The following CFHR2 variants were observed in gnomAD, a reference collection of about 807,000 sequenced individuals.
The protein encoded by CFHR2 is complement factor H related 2.
A neutral mutation model predicts 21.7 loss-of-function variants in CFHR2; 22 were observed. That is an observed-to-expected ratio of 1.01 (90% CI 0.72 to 1.45). The LOEUF (loss-of-function observed/expected upper bound fraction) is 1.45, where lower values mean the gene tolerates loss of function less well. Among genes scored for constraint, CFHR2 ranks in the 40% most tolerant of loss-of-function variants. The pLI, the probability that CFHR2 is intolerant of heterozygous loss-of-function variation, is 0.00. For synonymous variants in CFHR2, 98 were observed against 97.4 expected (o/e 1.01, Z -0.04); for missense variants, 294 against 293.3 (o/e 1.00, Z -0.02).
chr1:196,949,726 C>A, intron 2 of CFHR2, 77 bp downstream of exon 2: 2 of 1,566,744 alleles, frequency 1.3e-6, no homozygotes, highest in Non-Finnish European at 1.8e-6. Flanking sequence ...ATCATAAACA[C>A]TTGATAATCA....
chr1:196,952,389 T>C (rs1652647089), intron 3 of CFHR2, among the ~76,000 whole-genome samples: 1 of 144,600 alleles, frequency 6.9e-6, no homozygotes. Context: ...GATTAAACAT[T>C]ATTAATATTT....
intron 1 of CFHR2, among the ~76,000 whole-genome samples, chr1:196,946,711 A>C (rs1346536646): frequency 6.6e-6 from 1 of 152,160 alleles, no homozygotes; most frequent in Non-Finnish European, 1.5e-5. Flanking sequence ...GTCCTCTCCT[A>C]TGATAACAAA....
intron 2 of CFHR2, 28 bp downstream of exon 2, chr1:196,949,677 G>T: frequency 6.2e-7 from 1 of 1,608,948 alleles, no homozygotes. Flanking sequence ...TCATTAAATG[G>T]ATGTCATTCA....
At chr1:196,955,644 T>A (rs1571494523) in intron 3 of CFHR2, among the ~76,000 whole-genome samples, 1 of 152,060 alleles carries the variant, frequency 6.6e-6, no homozygotes, top group Non-Finnish European at 1.5e-5. Flanking sequence ...AGGTCAGGAA[T>A]TTGGGACTAG....
At chr1:196,949,772 G>A (rs1237564132) in intron 2 of CFHR2, 123 bp downstream of exon 2, 18 of 1,224,796 alleles carry the variant, frequency 1.5e-5, no homozygotes, top group East Asian at 2.5e-5. Context: ...AAAGATGGGA[G>A]ATGTAGTCCT....
chr1:196,948,645 G>A (rs1659610186), intron 1 of CFHR2, among the ~76,000 whole-genome samples: 1 of 152,004 alleles, frequency 6.6e-6, no homozygotes, highest in Non-Finnish European at 1.5e-5. Context: ...TATACAAATA[G>A]TTGTTATATT....
chr1:196,948,134 T>C (rs1341472463), intron 1 of CFHR2, among the ~76,000 whole-genome samples: 1 of 152,134 alleles, frequency 6.6e-6, no homozygotes, highest in Non-Finnish European at 1.5e-5. Flanking sequence ...ACTAGTCCTT[T>C]AGTATCCTCA....
intron 1 of CFHR2, among the ~76,000 whole-genome samples, chr1:196,946,495 T>C (rs1659492393): frequency 6.8e-6 from 1 of 147,484 alleles, no homozygotes; most frequent in Non-Finnish European, 1.5e-5. Context: ...GTACAAAAGA[T>C]TTTTTCTTTC....
chr1:196,946,019 A>G (rs1659470274), intron 1 of CFHR2, among the ~76,000 whole-genome samples: 2 of 152,106 alleles, frequency 1.3e-5, no homozygotes, highest in African/African-American at 4.8e-5. Flanking sequence ...CAACTGTAGC[A>G]CAATTGTAAG....
chr1:196,951,992 A>AT (rs1336635606), intron 3 of CFHR2, among the ~76,000 whole-genome samples: 3 of 152,016 alleles, frequency 2.0e-5, no homozygotes, highest in Non-Finnish European at 2.9e-5. Flanking sequence ...CAGTTTTCTA[A>AT]TTTTTTTCCA....
intron 1 of CFHR2, among the ~76,000 whole-genome samples, chr1:196,947,544 A>G (rs1333010720): frequency 6.6e-6 from 1 of 152,214 alleles, no homozygotes; most frequent in Non-Finnish European, 1.5e-5. Flanking sequence ...TTAAACAGTT[A>G]GATAATCAGT....
intron 3 of CFHR2, 66 bp from the exon 4 acceptor site, chr1:196,957,825 G>T (rs1445231969): frequency 4.9e-6 from 7 of 1,433,346 alleles, no homozygotes; most frequent in African/African-American, 2.8e-5. Flanking sequence ...TGCCTTGTTT[G>T]CATTTGCCTT....
chr1:196,956,002 C>T (rs1652858824), intron 3 of CFHR2, among the ~76,000 whole-genome samples: 3 of 152,062 alleles, frequency 2.0e-5, no homozygotes, highest in Non-Finnish European at 4.4e-5. Context: ...GGAGGAACTT[C>T]CAAACACTTA....
In CFHR2 at chr1:196,957,879, A is replaced by G. The variant is rs773967102; in HGVS notation, c.431-12A>G. 1.9e-6 allele frequency: 3 copies of G among 1,607,346 alleles called. No homozygotes were observed. Among genetic ancestry groups the G allele is most frequent in the East Asian group, 4.5e-5 (2 of 44,782 alleles). On this transcript the variant is annotated splice_polypyrimidine_tract_variant and intron_variant, in intron 3 of 4. Transcript: ENST00000367415. The stretch of plus-strand genomic sequence containing the variant: ...ATTTACTCTCCCAGTAAATCAAATG[A>G]TGTTTTTTTAGTTTCTGCAGAAAAA...
intron 3 of CFHR2, among the ~76,000 whole-genome samples, chr1:196,954,637 T>C (rs181603326): frequency 4.1e-4 from 63 of 151,950 alleles, no homozygotes; most frequent in African/African-American, 1.4e-3. Context: ...GAAGTTTCCA[T>C]ACAACCTCAG....
At chr1:196,947,246 A>G (rs1044777129) in intron 1 of CFHR2, among the ~76,000 whole-genome samples, 1 of 152,112 alleles carries the variant, frequency 6.6e-6, no homozygotes, top group African/African-American at 2.4e-5. Flanking sequence ...TGTGTAAAGG[A>G]GGCTTGCAAG....
chr1:196,954,216 C>G (rs540347031), intron 3 of CFHR2, among the ~76,000 whole-genome samples: 4 of 152,300 alleles, frequency 2.6e-5, no homozygotes, highest in African/African-American at 9.6e-5. Context: ...GGCTACAGTC[C>G]CCACACAAGT....
At chr1:196,955,485 T>C (rs796740206) in intron 3 of CFHR2, among the ~76,000 whole-genome samples, 28 of 152,312 alleles carry the variant, frequency 1.8e-4, no homozygotes, top group African/African-American at 6.5e-4. Flanking sequence ...GTGCCCCCTG[T>C]ACCAATCTAC....
At chr1:196,957,101 GT>G (rs1287122940) in intron 3 of CFHR2, among the ~76,000 whole-genome samples, 2 of 152,078 alleles carry the variant, frequency 1.3e-5, no homozygotes, top group African/African-American at 4.8e-5. Flanking sequence ...AATGATTTTT[GT>G]CTTGTAAGGC....
Sources: gnomAD v4.1 joint callset for allele counts (sites outside exome capture counted in the v4.1 genomes callset) on GRCh38, gnomAD v4.1.1 for gene constraint, MANE v1.5 for transcripts, NCBI Gene and HGNC (gene_info 2026-07-23, HGNC 2026-07-21) for gene names.